PON1: variants seen among roughly 807,000 people sequenced by gnomAD.
The protein encoded by PON1 is serum paraoxonase/arylesterase 1.
PON1 carries 37 observed loss-of-function variants against 39.2 expected under a neutral mutation model. The ratio of observed to expected loss-of-function variants is 0.94; its 90% CI spans 0.73 to 1.24. The LOEUF (loss-of-function observed/expected upper bound fraction) is 1.24. Ranked by LOEUF, PON1 falls within the 50% of genes most tolerant of loss-of-function variation. The pLI, the probability that PON1 is intolerant of heterozygous loss-of-function variation, is 0.00. For missense variants in PON1, 397 were observed against 413.5 expected, an observed-to-expected ratio of 0.96 and a Z score of 0.35; for synonymous variants, 148 against 152.2, an observed-to-expected ratio of 0.97 and a Z score of 0.21.
In PON1 at chr7:95,324,485, T is replaced by C. The variant is rs368027460; in HGVS notation, c.-10A>G. ...CAATCAGCTTCGCCATGGTCGGGGATAGACAAAGGGATCGATGGGCGCAGA... is the reference window on the plus strand; with the variant it reads ...CAATCAGCTTCGCCATGGTCGGGGACAGACAAAGGGATCGATGGGCGCAGA... On this transcript the variant is annotated 5_prime_UTR_variant, in exon 1 of 9. Coordinates refer to ENST00000222381, the MANE Select transcript of PON1 (RefSeq NM_000446.7). 1 of 1,613,680 alleles carries C rather than the reference T, an allele frequency of 6.2e-7. No individual in the cohort carries two copies. Among genetic ancestry groups the C allele is most frequent in the Non-Finnish European group, 8.5e-7 (1 of 1,179,740 alleles).
At position 95,298,749 on chromosome 7, in the gene PON1, C is replaced by CTGA. The variant is rs535293285; in HGVS notation, c.*192_*194dup. On this transcript the variant is annotated 3_prime_UTR_variant, in exon 9 of 9. Coordinates refer to ENST00000222381, the MANE Select transcript of PON1 (RefSeq NM_000446.7). ...AATGAGGTTTTCAAGTATTCCAAGA[C>CTGA]TGATTTGATAGTGTATTCTCAAAAA... 191 of 659,108 alleles carry CTGA rather than the reference C, an allele frequency of 2.9e-4. 1 individual carries two copies. In the South Asian group the frequency reaches 3.3e-3, roughly 11 times the overall value. 40.8% of individuals were successfully genotyped at this position (659,108 alleles called of 1,614,324 possible). A position where few individuals can be genotyped will look rare whatever the true frequency, so the allele number is the denominator to read the frequency against.
chr7:95,320,099 C>T (rs143560354), intron 1 of PON1, among the ~76,000 whole-genome samples: 1 of 152,270 alleles, frequency 6.6e-6, no homozygotes, highest in Non-Finnish European at 1.5e-5. Flanking sequence ...GAGGACAACA[C>T]AAAGACTGGC....
At chr7:95,318,953 C>G (rs926291863) in intron 1 of PON1, among the ~76,000 whole-genome samples, 1 of 151,974 alleles carries the variant, frequency 6.6e-6, no homozygotes, top group East Asian at 1.9e-4. Flanking sequence ...TACACAGGAG[C>G]GACTTATTAG....
chr7:95,312,280 G>T (rs1272304324), intron 4 of PON1, among the ~76,000 whole-genome samples: 1 of 152,028 alleles, frequency 6.6e-6, no homozygotes, highest in African/African-American at 2.4e-5. Flanking sequence ...TGCAACCTCC[G>T]CCTCCCAGGT....
chr7:95,321,825 G>A (rs1203108658), intron 1 of PON1, among the ~76,000 whole-genome samples: 3 of 152,010 alleles, frequency 2.0e-5, no homozygotes, highest in Non-Finnish European at 2.9e-5. Context: ...TTCTGCATTG[G>A]GATTAATAAC....
chr7:95,314,223 G>C (rs1807716371), intron 4 of PON1, among the ~76,000 whole-genome samples: 1 of 152,110 alleles, frequency 6.6e-6, no homozygotes, highest in African/African-American at 2.4e-5. Flanking sequence ...AGCCAGGCAT[G>C]GCGGCATGCA....
In PON1 at chr7:95,308,127, C is replaced by T. The variant is rs3917594; in HGVS notation, c.582G>A (p.Trp194Ter). Reference sequence around the variant, plus strand: ...ACCACGCTAAACCCAAATACATCTCCCAGGATTGTAAGTAGGGGTCAAGAA... The same window carrying T: ...ACCACGCTAAACCCAAATACATCTCTCAGGATTGTAAGTAGGGGTCAAGAA... ...HYFLDPYLQSWEMYLGLAWSY... is the reference protein window; with the variant it reads ...HYFLDPYLQS Residue 194 changes from tryptophan (W) to a stop codon, truncating the protein, a stop_gained, in exon 6 of 9, where the codon TGG becomes TGA. Coordinates refer to ENST00000222381, the MANE Select transcript of PON1 (RefSeq NM_000446.7). LOFTEE classifies it high-confidence loss of function. The T allele has an allele frequency of 7.5e-5, 121 of 1,614,046 alleles. No individual in the cohort carries two copies. The highest frequency in any genetic ancestry group is 9.9e-5 in the Non-Finnish European group (117 of 1,179,980).
intron 2 of PON1, among the ~76,000 whole-genome samples, 183 bp from the exon 3 acceptor site, chr7:95,316,972 A>G (rs1261692251): frequency 1.3e-5 from 2 of 152,250 alleles, no homozygotes; most frequent in African/African-American, 4.8e-5. Flanking sequence ...TTAAAAATAT[A>G]TTAATTCATT....
At chr7:95,307,548 T>C (rs1264759749) in intron 6 of PON1, among the ~76,000 whole-genome samples, 2 of 152,200 alleles carry the variant, frequency 1.3e-5, no homozygotes, top group Admixed American at 1.3e-4. Context: ...ATAAATCAAA[T>C]ACATCACTAA....
At chr7:95,312,770 C>T (rs3917592) in intron 4 of PON1, among the ~76,000 whole-genome samples, 3,218 of 143,202 alleles carry the variant, frequency 0.022, 44 homozygotes, top group Admixed American at 0.035. Flanking sequence ...GCAAAGGCCC[C>T]GGGGCAGAAC....
intron 1 of PON1, among the ~76,000 whole-genome samples, chr7:95,322,551 A>G (rs1468511699): frequency 6.6e-6 from 1 of 152,162 alleles, no homozygotes; most frequent in Non-Finnish European, 1.5e-5. Context: ...AATGGCAGAA[A>G]TGCATCGAGA....
At chr7:95,307,862 T>A (rs999903709) in intron 6 of PON1, 149 bp downstream of exon 6, 34 of 847,762 alleles carry the variant, frequency 4.0e-5, no homozygotes, top group Non-Finnish European at 6.3e-5. Context: ...TTTCACCCCC[T>A]GAAAAATTAA....
intron 4 of PON1, among the ~76,000 whole-genome samples, chr7:95,314,390 T>G (rs1807721405): frequency 8.7e-5 from 12 of 138,352 alleles, no homozygotes; most frequent in East Asian, 4.3e-4. Context: ...CAAAAGGAGG[T>G]GAAGGAAGGA....
At chr7:95,320,312 G>A (rs1585701669) in intron 1 of PON1, among the ~76,000 whole-genome samples, 1 of 152,158 alleles carries the variant, frequency 6.6e-6, no homozygotes, top group Admixed American at 6.5e-5. Flanking sequence ...TCTAATTCAG[G>A]CTTCTCTCTC....
chr7:95,323,339 T>A (rs1168044992), intron 1 of PON1, among the ~76,000 whole-genome samples: 1 of 152,146 alleles, frequency 6.6e-6, no homozygotes, highest in Non-Finnish European at 1.5e-5. Context: ...TAATAAAAAC[T>A]CACAAACTGT....
At chr7:95,319,866 G>A (rs1434851207) in intron 1 of PON1, among the ~76,000 whole-genome samples, 8 of 152,078 alleles carry the variant, frequency 5.3e-5, no homozygotes, top group Non-Finnish European at 1.2e-4. Context: ...TCTGAATCAA[G>A]CTTCACAAAA....
Position 95,316,772 on chromosome 7 carries a change from A to T in PON1, c.163T>A (p.Leu55Met), listed in dbSNP as rs854560. The change falls in exon 3 of 9, where the codon TTG becomes ATG. Residue 55 changes from leucine to methionine, a missense_variant. By Grantham distance (15) the Leu-to-Met change is conservative (BLOSUM62 2). Coordinates refer to ENST00000222381, the MANE Select transcript of PON1 (RefSeq NM_000446.7). ...VKGIETGSED[L>M]EILPNGLAFI... Reference sequence around the variant, plus strand: ...GCCAGTCCATTAGGCAGTATCTCCAAGTCTTCAGAGCCAGTTTCTGCCAGA... The same window carrying T: ...GCCAGTCCATTAGGCAGTATCTCCATGTCTTCAGAGCCAGTTTCTGCCAGA... The T allele has an allele frequency of 0.33, 532,518 of 1,611,280 alleles. 93,380 individuals carry two copies. Among genetic ancestry groups the T allele is most frequent in the Middle Eastern group, 0.39 (2,333 of 6,054 alleles).
chr7:95,299,125 TTAA>T (rs769743174), intron 8 of PON1, 23 bp from the exon 9 acceptor site: 17 of 1,612,004 alleles, frequency 1.1e-5, no homozygotes, highest in Non-Finnish European at 1.4e-5. Flanking sequence ...TAACATTGGG[TTAA>T]TATTTTTGTT....
chr7:95,308,475 C>CGTGTGTGTGTGT (rs10548570), intron 5 of PON1, among the ~76,000 whole-genome samples: 1 of 147,078 alleles, frequency 6.8e-6, no homozygotes, highest in Non-Finnish European at 1.5e-5. Context: ...AGTGTTACGT[C>CGTGTGTGTGTGT]GTGTGTGTGT....
Sources: gnomAD v4.1 joint callset for allele counts (sites outside exome capture counted in the v4.1 genomes callset) on GRCh38, gnomAD v4.1.1 for gene constraint, MANE v1.5 for transcripts, NCBI Gene and HGNC (gene_info 2026-07-23, HGNC 2026-07-21) for gene names.